The following ATF7 variants were observed in gnomAD, a reference collection of about 807,000 sequenced individuals.
The protein encoded by ATF7 is cyclic AMP-dependent transcription factor ATF-7.
A neutral mutation model predicts 50.4 loss-of-function variants in ATF7; 10 were observed. The ratio of observed to expected loss-of-function variants is 0.20; its 90% CI spans 0.12 to 0.34. The LOEUF (loss-of-function observed/expected upper bound fraction) is 0.34, where lower values mean the gene tolerates loss of function less well. ATF7 is among the 10% of genes least tolerant of loss of function. The pLI is 1.00. For synonymous variants in ATF7, 201 were observed against 226.4 expected (o/e 0.89, Z 1.01); for missense variants, 465 against 613.9 (o/e 0.76, Z 2.56).
downstream of ATF7, among the ~76,000 whole-genome samples, chr12:53,511,039 C>T (rs1944117849): frequency 6.6e-6 from 1 of 152,222 alleles, no homozygotes; most frequent in Non-Finnish European, 1.5e-5. Flanking sequence ...AAACACCAGC[C>T]ACAGATAGCT....
intron 5 of ATF7, among the ~76,000 whole-genome samples, chr12:53,536,360 C>G (rs1319663191): frequency 6.6e-6 from 1 of 151,604 alleles, no homozygotes; most frequent in African/African-American, 2.4e-5. Flanking sequence ...CACTGAAACC[C>G]TGGCCTCCTG....
rs1332789814 is a variant in ATF7 at position 53,529,750 on chromosome 12, T to C, written c.927+1994A>G. On this transcript the variant is annotated intron_variant, in intron 9 of 11. Transcript: ENST00000420353. ...ACACACACACATATATATATGTTTT[T>C]TTTTTTTTGAGATGGAGTCTCGCTC... 4.5e-5 allele frequency among the ~76,000 whole-genome samples: 5 copies of C among 111,188 alleles called. No homozygotes were observed. In the East Asian group the frequency reaches 5.1e-3, roughly 112 times the overall value. 72.9% of individuals were successfully genotyped at this position (111,188 alleles called of 152,430 possible). A position where few individuals can be genotyped will look rare whatever the true frequency, so the allele number is the denominator to read the frequency against.
At chr12:53,590,348 C>T (rs902838825) in intron 2 of ATF7, among the ~76,000 whole-genome samples, 1 of 152,246 alleles carries the variant, frequency 6.6e-6, no homozygotes. Flanking sequence ...TATAGAAGTA[C>T]AAGAGTTTAT....
intron 9 of ATF7, among the ~76,000 whole-genome samples, chr12:53,531,391 C>A (rs1447691485): frequency 6.8e-6 from 1 of 146,920 alleles, no homozygotes; most frequent in African/African-American, 2.5e-5. Flanking sequence ...CACTGCACTC[C>A]AGCCCAGGCA....
chr12:53,545,953 G>A (rs1408701830), intron 3 of ATF7, among the ~76,000 whole-genome samples: 1 of 152,052 alleles, frequency 6.6e-6, no homozygotes, highest in Non-Finnish European at 1.5e-5. Context: ...AACACTATGG[G>A]AGGCCGAGGC....
intron 3 of ATF7, among the ~76,000 whole-genome samples, chr12:53,546,747 G>C (rs551279323): frequency 8.4e-4 from 127 of 150,948 alleles, no homozygotes; most frequent in African/African-American, 3.0e-3. Flanking sequence ...ACCGCACCTG[G>C]CCTCTTTTTC....
chr12:53,597,678 G>A (rs148424378), intron 2 of ATF7, among the ~76,000 whole-genome samples: 6,357 of 151,870 alleles, frequency 0.042, 371 homozygotes, highest in African/African-American at 0.13. Flanking sequence ...GTGTGGTGGC[G>A]GGTGCCTGTA....
At chr12:53,598,775 T>A (rs1350731088) in intron 2 of ATF7, among the ~76,000 whole-genome samples, 2 of 152,206 alleles carry the variant, frequency 1.3e-5, no homozygotes, top group Non-Finnish European at 2.9e-5. Flanking sequence ...TATTCCTTAT[T>A]TTTATCTTCT....
intron 2 of ATF7, among the ~76,000 whole-genome samples, chr12:53,570,033 T>C (rs1193577369): frequency 1.2e-4 from 19 of 152,180 alleles, no homozygotes; most frequent in Non-Finnish European, 1.5e-5. Context: ...TCTGATTGAA[T>C]TGAGAAAATT....
chr12:53,578,783 C>CAAA (rs10718181), intron 2 of ATF7, among the ~76,000 whole-genome samples: 3 of 106,678 alleles, frequency 2.8e-5, no homozygotes, highest in East Asian at 2.8e-4. Flanking sequence ...GATGCTGTCT[C>CAAA]AAAAAAAAAA....
intron 3 of ATF7, among the ~76,000 whole-genome samples, chr12:53,545,027 G>T (rs918844716): frequency 3.9e-5 from 6 of 152,098 alleles, no homozygotes; most frequent in African/African-American, 1.4e-4. Flanking sequence ...ACTTTAGTAA[G>T]GGCATACCCA....
At chr12:53,564,849 G>A (rs189882233) in intron 2 of ATF7, among the ~76,000 whole-genome samples, 125 of 152,070 alleles carry the variant, frequency 8.2e-4, no homozygotes, top group Non-Finnish European at 1.1e-3. Flanking sequence ...ACATAAATTC[G>A]TAAGCTTTCT....
intron 1 of ATF7, among the ~76,000 whole-genome samples, chr12:53,611,410 G>A (rs1400076850): frequency 2.0e-5 from 3 of 151,896 alleles, no homozygotes; most frequent in African/African-American, 4.8e-5. Flanking sequence ...CCGAGATCAC[G>A]CCACTGCACT....
At chr12:53,616,383 C>T (rs1359204653) in intron 1 of ATF7, among the ~76,000 whole-genome samples, 1 of 151,874 alleles carries the variant, frequency 6.6e-6, no homozygotes, top group African/African-American at 2.4e-5. Flanking sequence ...CCACCAAGCC[C>T]AGCTAATTTT....
At chr12:53,579,100 TAGTC>T (rs1169043684) in intron 2 of ATF7, among the ~76,000 whole-genome samples, 1 of 150,696 alleles carries the variant, frequency 6.6e-6, no homozygotes, top group Non-Finnish European at 1.5e-5. Flanking sequence ...CAAAAAAAAT[TAGTC>T]AGGCATGGTG....
rs1298379846 is a variant in ATF7, at chr12:53,529,734, C to CACACACACACACATAT, written c.927+2009_927+2010insATATGTGTGTGTGTGT. Among the ~76,000 whole-genome samples the CACACACACACACATAT allele has an allele frequency of 2.8e-3, 398 of 143,298 alleles. 1 individual carries two copies. Among genetic ancestry groups the CACACACACACACATAT allele is most frequent in the African/African-American group, 0.01 (375 of 36,630 alleles). The allele number at this position is 143,298 out of a possible 152,430, so 94.0% of individuals were successfully genotyped here. On this transcript the variant is annotated intron_variant, in intron 9 of 11. Transcript: ENST00000420353. ...ATACACACACACACACACACACACA[C>CACACACACACACATAT]ATATATATATGTTTTTTTTTTTTTG...
intron 5 of ATF7, among the ~76,000 whole-genome samples, chr12:53,535,328 CAAAAAAAAA>C (rs397938442): frequency 1.5e-5 from 1 of 64,968 alleles, no homozygotes; most frequent in Non-Finnish European, 3.2e-5. Context: ...GACTCTGCCT[CAAAAAAAAA>C]AAAAAAAAGA....
Position 53,619,816 on chromosome 12 carries a change from A to T in ATF7, c.-22+6463T>A, listed in dbSNP as rs1462936205. Reference sequence around the variant, plus strand: ...GACAGAGGGAGACCCTGCCTCAGAAAAAAAAAAAAGTTTCCGAAACAGAAT... The same window carrying T: ...GACAGAGGGAGACCCTGCCTCAGAATAAAAAAAAAGTTTCCGAAACAGAAT... On this transcript the variant is annotated intron_variant, in intron 1 of 11. Coordinates refer to ENST00000420353, the MANE Select transcript of ATF7 (RefSeq NM_006856.3). Among the ~76,000 whole-genome samples the T allele has an allele frequency of 3.9e-5, 6 of 151,968 alleles. No individual in the cohort carries two copies. The East Asian group carries it at 1.2e-3, about 29-fold the overall frequency.
chr12:53,619,930 G>A (rs1479015360), intron 1 of ATF7, among the ~76,000 whole-genome samples: 1 of 152,150 alleles, frequency 6.6e-6, no homozygotes. Flanking sequence ...AGGACTGTTT[G>A]AGCCCAGCAG....
Sources: gnomAD v4.1 joint callset for allele counts (sites outside exome capture counted in the v4.1 genomes callset) on GRCh38, gnomAD v4.1.1 for gene constraint, MANE v1.5 for transcripts, NCBI Gene and HGNC (gene_info 2026-07-23, HGNC 2026-07-21) for gene names.